UTS2R: variants seen among roughly 807,000 people sequenced by gnomAD.
UTS2R encodes urotensin 2 receptor, also known as urotensin-2 receptor.
For missense variants in UTS2R, 653 were observed against 562.2 expected (o/e 1.16, Z -1.63); for synonymous variants, 335 against 280.9 (o/e 1.19, Z -1.93).
rs897688799 is a variant in UTS2R at position 82,374,437 on chromosome 17, G to C, written c.113G>C (p.Ser38Thr). 6.3e-7 allele frequency: 1 copy of C among 1,598,150 alleles called. No individual in the cohort carries two copies. Among genetic ancestry groups the C allele is most frequent in the African/African-American group, 1.3e-5 (1 of 74,768 alleles). ...PNATLNSSWASPTEPSSLEDL... is the reference protein window; with the variant it reads ...PNATLNSSWATPTEPSSLEDL... ...GCAACCCTCAACAGCTCCTGGGCCA[G>C]CCCGACCGAGCCCAGCTCCCTGGAG... Residue 38 changes from serine to threonine, a missense_variant, in exon 3 of 3, where the codon AGC becomes ACC. Physicochemically the swap from Ser to Thr is moderately conservative, Grantham distance 58. Coordinates refer to ENST00000313135, the MANE Select transcript of UTS2R (RefSeq NM_018949.3).
Position 82,374,798 on chromosome 17 carries a change from C to T in UTS2R, c.474C>T (p.Thr158=). The T allele has an allele frequency of 1.3e-6, 2 of 1,571,410 alleles. No individual in the cohort carries two copies. Among genetic ancestry groups the T allele is most frequent in the Non-Finnish European group, 8.6e-7 (1 of 1,156,788 alleles). The change falls in exon 3 of 3, where the codon ACC becomes ACT. Residue 158 remains threonine, a synonymous_variant. Coordinates refer to ENST00000313135, the MANE Select transcript of UTS2R (RefSeq NM_018949.3). ...RYAAVLRPLD[T]VQRPKGYRKL... is the part of the protein sequence containing the mutation. ...CTGCGGTGCTGCGGCCGCTGGACAC[C>T]GTGCAGCGCCCCAAGGGCTACCGCA...
chr17:82,374,646 G>T lies in UTS2R; in HGVS notation c.322G>T (p.Val108Leu), dbSNP rs755616163. The change falls in exon 3 of 3, where the codon GTG becomes TTG. Residue 108 changes from valine to leucine, a missense_variant. By Grantham distance (32) the Val-to-Leu change is conservative (BLOSUM62 1). Transcript: ENST00000313135. ...GTACCTGCTCAGCATCCCCTTCATC[G>T]TGGCCACCTACGTCACCAAGGAGTG... Reference protein sequence around the residue: ...LLYLLSIPFIVATYVTKEWHF... With the variant: ...LLYLLSIPFILATYVTKEWHF... 1.9e-6 allele frequency: 3 copies of T among 1,613,260 alleles called. No individual in the cohort carries two copies. Among genetic ancestry groups the T allele is most frequent in the Non-Finnish European group, 1.7e-6 (2 of 1,179,870 alleles).
At chr17:82,374,060 C>T (rs1218039929) in intron 2 of UTS2R, among the ~76,000 whole-genome samples, 183 bp from the exon 3 acceptor site, 3 of 14,440 alleles carry the variant, frequency 2.1e-4, no homozygotes, top group Non-Finnish European at 3.1e-4. Context: ...ATGCGGGGGT[C>T]GGGGAGGGGG....
At chr17:82,374,054 G>A (rs1278920353) in intron 2 of UTS2R, among the ~76,000 whole-genome samples, 189 bp from the exon 3 acceptor site, 1 of 151,842 alleles carries the variant, frequency 6.6e-6, no homozygotes, top group African/African-American at 2.4e-5. Context: ...TGGGGCATGC[G>A]GGGGTCGGGG....
chr17:82,373,176 G>A (rs757529726), intron 2 of UTS2R, among the ~76,000 whole-genome samples: 12 of 149,898 alleles, frequency 8.0e-5, no homozygotes, highest in Non-Finnish European at 1.6e-4. Context: ...TTTTCTCTGA[G>A]ACAAAGTCTC....
In UTS2R at chr17:82,376,871, C is replaced by T. The variant is rs1016218785; in HGVS notation, c.*1377C>T. ...GGTCAGCCCCCCGCCCGGCCAGCCA[C>T]CCCGTCCGGGAGGTGAGGGGCGCCT... On this transcript the variant is annotated 3_prime_UTR_variant, in exon 3 of 3. Coordinates refer to ENST00000313135, the MANE Select transcript of UTS2R (RefSeq NM_018949.3). Among the ~76,000 whole-genome samples, 2 of 152,206 alleles carry T rather than the reference C, an allele frequency of 1.3e-5. No individual in the cohort carries two copies. The highest frequency in any genetic ancestry group is 2.9e-5 in the Non-Finnish European group (2 of 68,030).
chr17:82,373,659 C>G (rs1029581859), intron 2 of UTS2R, among the ~76,000 whole-genome samples: 1 of 152,210 alleles, frequency 6.6e-6, no homozygotes, highest in Non-Finnish European at 1.5e-5. Context: ...CTGATTTAAC[C>G]TTTCACACTT....
chr17:82,374,375 T>C lies in UTS2R; in HGVS notation c.51T>C (p.Thr17=), dbSNP rs11654140. 451,970 of 1,585,880 alleles carry C rather than the reference T, an allele frequency of 0.28. 67,637 individuals carry two copies. The highest frequency in any genetic ancestry group is 0.31 in the Non-Finnish European group (363,560 of 1,172,540). Residue 17 remains threonine, a synonymous_variant, in exon 3 of 3, where the codon ACT becomes ACC. Coordinates refer to ENST00000313135, the MANE Select transcript of UTS2R (RefSeq NM_018949.3). The stretch of plus-strand genomic sequence containing the variant: ...GCAGCTTCCCTGGGCTGGCCGCCAC[T>C]GGCAGCTCTGTGCCGGAGCCGCCTG... The part of the protein sequence containing the change: ...SPSSFPGLAA[T]GSSVPEPPGG...
chr17:82,374,586 G>T lies in UTS2R; in HGVS notation c.262G>T (p.Val88Phe). 2 of 1,605,010 alleles carry T rather than the reference G, an allele frequency of 1.2e-6. No homozygotes were observed. The highest frequency in any genetic ancestry group is 1.7e-6 in the Non-Finnish European group (2 of 1,176,170). Residue 88 changes from valine (V) to phenylalanine (F), a missense_variant, in exon 3 of 3, where the codon GTC (valine) becomes TTC (phenylalanine). Val to Phe is a conservative substitution (Grantham distance 50, BLOSUM62 -1). Coordinates refer to ENST00000313135, the MANE Select transcript of UTS2R (RefSeq NM_018949.3). Reference sequence around the variant, plus strand: ...CCTGCGTGCGGTGGCCTCCATGTACGTCTACGTGGTCAACCTGGCGCTGGC... The same window carrying T: ...CCTGCGTGCGGTGGCCTCCATGTACTTCTACGTGGTCAACCTGGCGCTGGC... Reference protein sequence around the residue: ...RSLRAVASMYVYVVNLALADL... With the variant: ...RSLRAVASMYFYVVNLALADL...
At chr17:82,374,208 G>C in intron 2 of UTS2R, 35 bp from the exon 3 acceptor site, 3 of 787,510 alleles carry the variant, frequency 3.8e-6, no homozygotes, top group Non-Finnish European at 5.9e-6. Flanking sequence ...TCCTGGGAGC[G>C]GAAGGTGTTG....
intron 1 of UTS2R, among the ~76,000 whole-genome samples, chr17:82,372,312 G>T (rs544711069): frequency 6.6e-4 from 101 of 152,310 alleles, no homozygotes; most frequent in African/African-American, 2.2e-3. Flanking sequence ...GGAGCCCGGT[G>T]CACCCTCGGC....
chr17:82,371,808 C>T lies in UTS2R; in HGVS notation c.-508C>T, dbSNP rs1305467595. ...GGGCAGGTGGCGGCGGCGCAGAGAC[C>T]CGGCGCGGGGCGGGGGGCGCGGCTT... On this transcript the variant is annotated 5_prime_UTR_variant, in exon 1 of 3. Coordinates refer to ENST00000313135, the MANE Select transcript of UTS2R (RefSeq NM_018949.3). The surrounding 1 kb of genome is among the most constrained non-coding windows in gnomAD (Gnocchi z 6.3). Among the ~76,000 whole-genome samples the T allele has an allele frequency of 1.3e-5, 2 of 151,604 alleles. No individual in the cohort carries two copies. The highest frequency in any genetic ancestry group is 2.9e-5 in the Non-Finnish European group (2 of 67,852).
In UTS2R at chr17:82,375,431, C is replaced by T. The variant is rs770765285; in HGVS notation, c.1107C>T (p.Ser369=). The T allele has an allele frequency of 6.8e-5, 107 of 1,566,638 alleles. No individual in the cohort carries two copies. Among genetic ancestry groups the T allele is most frequent in the Non-Finnish European group, 8.6e-5 (100 of 1,165,770 alleles). Residue 369 remains serine (S), a synonymous_variant, in exon 3 of 3, where the codon AGC becomes AGT. Coordinates refer to ENST00000313135, the MANE Select transcript of UTS2R (RefSeq NM_018949.3). The part of the protein sequence containing the change: ...LSSCSPQPTD[S]LVLAPAAPAR... ...CCTGCAGCCCACAGCCCACTGACAGCCTCGTGCTGGCCCCAGCGGCCCCGG... is the reference window on the plus strand; with the variant it reads ...CCTGCAGCCCACAGCCCACTGACAGTCTCGTGCTGGCCCCAGCGGCCCCGG...
rs1048590983 is a variant in UTS2R, at chr17:82,374,847, C to T, written c.523C>T (p.Leu175=). 1 of 1,381,330 alleles carries T rather than the reference C, an allele frequency of 7.2e-7. No homozygotes were observed. The highest frequency in any genetic ancestry group is 1.4e-5 in the African/African-American group (1 of 70,728). 85.6% of individuals were successfully genotyped at this position (1,381,330 alleles called of 1,614,324 possible). The change falls in exon 3 of 3, where the codon CTG becomes TTG. Residue 175 remains leucine (L), a synonymous_variant. Coordinates refer to ENST00000313135, the MANE Select transcript of UTS2R (RefSeq NM_018949.3). ...CAAGCTGCTGGCGCTGGGCACCTGG[C>T]TGCTGGCGCTGCTGCTGACGCTGCC... ...YRKLLALGTW[L]LALLLTLPVM... is the part of the protein sequence containing the mutation.
chr17:82,372,457 G>C (rs970229284), intron 1 of UTS2R, among the ~76,000 whole-genome samples, 141 bp from the exon 2 acceptor site: 1 of 152,152 alleles, frequency 6.6e-6, no homozygotes, highest in Admixed American at 6.5e-5. Context: ...ACATTTCCAG[G>C]CCCTGGAAGG....
Position 82,375,564 on chromosome 17 carries a change from C to G in UTS2R, c.*70C>G. The stretch of plus-strand genomic sequence containing the variant: ...AGCCCCAGCCACTCCCGGGAGCCCC[C>G]CCAACTCCCAAATCACAGGCCCTGC... On this transcript the variant is annotated 3_prime_UTR_variant, in exon 3 of 3. Coordinates refer to ENST00000313135, the MANE Select transcript of UTS2R (RefSeq NM_018949.3). 1.7e-6 allele frequency: 1 copy of G among 593,344 alleles called. No individual in the cohort carries two copies. The highest frequency in any genetic ancestry group is 2.7e-6 in the Non-Finnish European group (1 of 364,066). 36.8% of individuals were successfully genotyped at this position (593,344 alleles called of 1,614,324 possible).
intron 1 of UTS2R, among the ~76,000 whole-genome samples, chr17:82,372,331 C>T (rs1477497954): frequency 6.6e-6 from 1 of 152,224 alleles, no homozygotes; most frequent in Non-Finnish European, 1.5e-5. Context: ...GCTTCTGCGC[C>T]GTCCCCTGGG....
Position 82,371,882 on chromosome 17 carries a change from G to C in UTS2R, c.-434G>C, listed in dbSNP as rs2052454023. The stretch of plus-strand genomic sequence containing the variant: ...CCTGCCGTGTGCTCTGGAAGCCGAG[G>C]CCACCGCGGAGCCCCTCGCGCCCCC... On this transcript the variant is annotated 5_prime_UTR_variant, in exon 1 of 3. Transcript: ENST00000313135. The surrounding 1 kb of genome is among the most constrained non-coding windows in gnomAD (Gnocchi z 6.3). Among the ~76,000 whole-genome samples the C allele has an allele frequency of 6.6e-6, 1 of 151,782 alleles. No homozygotes were observed. The highest frequency in any genetic ancestry group is 1.5e-5 in the Non-Finnish European group (1 of 67,808).
chr17:82,374,431 G>A lies in UTS2R; in HGVS notation c.107G>A (p.Trp36Ter), dbSNP rs976778738. 6.3e-7 allele frequency: 1 copy of A among 1,599,040 alleles called. No homozygotes were observed. Among genetic ancestry groups the A allele is most frequent in the Middle Eastern group, 1.7e-4 (1 of 6,052 alleles). ...GGPNATLNSS[W>*]ASPTEPSSLE... Reference sequence around the variant, plus strand: ...CCCAACGCAACCCTCAACAGCTCCTGGGCCAGCCCGACCGAGCCCAGCTCC... The same window carrying A: ...CCCAACGCAACCCTCAACAGCTCCTAGGCCAGCCCGACCGAGCCCAGCTCC... Residue 36 changes from tryptophan to a stop codon, truncating the protein, a stop_gained, in exon 3 of 3, where the codon TGG (tryptophan) becomes TAG (stop). Transcript: ENST00000313135. LOFTEE classifies it low-confidence loss of function (END_TRUNC).
Sources: gnomAD v4.1 joint callset for allele counts (sites outside exome capture counted in the v4.1 genomes callset) on GRCh38, gnomAD v4.1.1 for gene constraint, Gnocchi (gnomAD v3.1) non-coding constraint, MANE v1.5 for transcripts, NCBI Gene and HGNC (gene_info 2026-07-23, HGNC 2026-07-21) for gene names.